The following DPYD variants were observed in gnomAD, a reference collection of about 807,000 sequenced individuals.
DPYD encodes dihydropyrimidine dehydrogenase, also known as dihydropyrimidine dehydrogenase [NADP(+)].
A neutral mutation model predicts 116.2 loss-of-function variants in DPYD; 109 were observed. The ratio of observed to expected loss-of-function variants is 0.94; its 90% CI spans 0.80 to 1.10. The LOEUF (loss-of-function observed/expected upper bound fraction) is 1.10. DPYD is among the 50% of genes least tolerant of loss of function. The pLI, the probability that DPYD is intolerant of heterozygous loss-of-function variation, is 0.00. For missense variants in DPYD, 1,302 were observed against 1,254.5 expected (o/e 1.04, Z -0.57); for synonymous variants, 440 against 432.0 (o/e 1.02, Z -0.23).
chr1:97,284,407 T>C (rs1665526879), intron 18 of DPYD, among the ~76,000 whole-genome samples: 1 of 152,124 alleles, frequency 6.6e-6, no homozygotes, highest in African/African-American at 2.4e-5. Flanking sequence ...TTCCAGATCA[T>C]TTCAAAAGAA....
intron 4 of DPYD, among the ~76,000 whole-genome samples, chr1:97,730,471 G>A (rs981597633): frequency 2.0e-5 from 3 of 151,956 alleles, no homozygotes; most frequent in African/African-American, 7.3e-5. Context: ...TAATCCAGCC[G>A]CCTCGGCCTC....
chr1:97,240,864 C>T (rs940825418), intron 18 of DPYD, among the ~76,000 whole-genome samples: 1 of 151,942 alleles, frequency 6.6e-6, no homozygotes, highest in African/African-American at 2.4e-5. Flanking sequence ...CTAATAAATA[C>T]ATGGGACACA....
intron 19 of DPYD, among the ~76,000 whole-genome samples, chr1:97,227,852 T>A (rs1447499090): frequency 6.6e-6 from 1 of 151,884 alleles, no homozygotes; most frequent in Non-Finnish European, 1.5e-5. Flanking sequence ...AATAAATAAA[T>A]AAAAATAAAC....
At chr1:97,409,843 T>G (rs1196409030) in intron 14 of DPYD, among the ~76,000 whole-genome samples, 1 of 152,116 alleles carries the variant, frequency 6.6e-6, no homozygotes, top group Non-Finnish European at 1.5e-5. Context: ...ACCTTTTTGC[T>G]GAGGCAAGCG....
chr1:97,390,910 G>C (rs890189739), intron 14 of DPYD, among the ~76,000 whole-genome samples: 1 of 151,746 alleles, frequency 6.6e-6, no homozygotes, highest in African/African-American at 2.4e-5. Context: ...AAGGTTAACA[G>C]TGACCTCACC....
intron 4 of DPYD, among the ~76,000 whole-genome samples, chr1:97,737,796 C>G (rs1664044705): frequency 6.6e-6 from 1 of 152,080 alleles, no homozygotes; most frequent in Non-Finnish European, 1.5e-5. Context: ...CATGCATACA[C>G]ACAAACACGT....
intron 8 of DPYD, among the ~76,000 whole-genome samples, chr1:97,603,566 G>A (rs1028890588): frequency 4.6e-5 from 7 of 152,020 alleles, no homozygotes; most frequent in South Asian, 2.1e-4. Flanking sequence ...CACACATTCC[G>A]TAGAAGGAAG....
intron 20 of DPYD, among the ~76,000 whole-genome samples, chr1:97,138,382 G>A (rs1653961622): frequency 6.6e-6 from 1 of 152,134 alleles, no homozygotes; most frequent in South Asian, 2.1e-4. Flanking sequence ...GCTACCATAT[G>A]GCCAGAAGGA....
At chr1:97,319,279 C>T (rs1023761933) in intron 16 of DPYD, among the ~76,000 whole-genome samples, 8 of 150,896 alleles carry the variant, frequency 5.3e-5, no homozygotes, top group African/African-American at 1.5e-4. Flanking sequence ...TTCAAAAAAT[C>T]AATGAATCCA....
chr1:97,272,941 A>C lies in DPYD; in HGVS notation c.2299+32318T>G, dbSNP rs544109924. ...AAGTGTGTTTTCTCCCGTCAGTTTC[A>C]GAGGAGAGTGGATATTAAATGTTAA... is the stretch of plus-strand genomic sequence containing the variant. On this transcript the variant is annotated intron_variant, in intron 18 of 22. Transcript: ENST00000370192. Among the ~76,000 whole-genome samples, 168 of 152,236 alleles carry C rather than the reference A, an allele frequency of 1.1e-3. 2 individuals are homozygous for C. Among genetic ancestry groups the C allele is most frequent in the Non-Finnish European group, 1.7e-3 (117 of 67,974 alleles).
intron 20 of DPYD, among the ~76,000 whole-genome samples, chr1:97,133,665 T>G (rs999597135): frequency 3.9e-5 from 6 of 152,032 alleles, no homozygotes; most frequent in Non-Finnish European, 5.9e-5. Context: ...AAAACTTCTA[T>G]GATACACATT....
rs1302526941 is a variant in DPYD, at chr1:97,832,184, G to A, written c.151-3988C>T. ...CATTTAATCTGCATGACAACCATATGTATTCCTATTTTACAAATGAGGAAA... is the reference window on the plus strand; with the variant it reads ...CATTTAATCTGCATGACAACCATATATATTCCTATTTTACAAATGAGGAAA... On this transcript the variant is annotated intron_variant, in intron 2 of 22. Coordinates refer to ENST00000370192, the MANE Select transcript of DPYD (RefSeq NM_000110.4). 2.0e-5 allele frequency among the ~76,000 whole-genome samples: 3 copies of A among 151,056 alleles called. No individual in the cohort carries two copies. In the East Asian group the frequency reaches 5.9e-4, roughly 30 times the overall value.
intron 13 of DPYD, among the ~76,000 whole-genome samples, chr1:97,455,537 A>G (rs6667128): frequency 0.027 from 4,122 of 152,030 alleles, 212 homozygotes; most frequent in African/African-American, 0.094. Context: ...TTATTTCACA[A>G]AAGAGGAAAA....
intron 2 of DPYD, among the ~76,000 whole-genome samples, chr1:97,861,010 T>C (rs538052346): frequency 6.6e-6 from 1 of 151,982 alleles, no homozygotes; most frequent in East Asian, 1.9e-4. Flanking sequence ...AAAACTAAAA[T>C]GCAATAATAG....
At chr1:97,603,147 TCAAACAATACGCCTCAGGCA>T (rs1655371562) in intron 8 of DPYD, among the ~76,000 whole-genome samples, 1 of 152,090 alleles carries the variant, frequency 6.6e-6, no homozygotes, top group Admixed American at 6.6e-5. Context: ...AGCAAAAATC[TCAAACAATACGCCTCAGGCA>T]AAGATTTTTT....
chr1:97,832,060 TGTGTG>T (rs1195363426), intron 2 of DPYD, among the ~76,000 whole-genome samples: 1 of 149,160 alleles, frequency 6.7e-6, no homozygotes, highest in African/African-American at 2.5e-5. Flanking sequence ...TGTGTGTGTG[TGTGTG>T]TGTGTGTGTG....
intron 3 of DPYD, among the ~76,000 whole-genome samples, chr1:97,812,064 C>T (rs1668373470): frequency 6.6e-6 from 1 of 152,144 alleles, no homozygotes; most frequent in African/African-American, 2.4e-5. Context: ...TTACCCACTG[C>T]TTCTTCCCCA....
At chr1:97,741,322 C>T (rs1664260046) in intron 3 of DPYD, among the ~76,000 whole-genome samples, 1 of 152,154 alleles carries the variant, frequency 6.6e-6, no homozygotes, top group Non-Finnish European at 1.5e-5. Context: ...GCATATTAAT[C>T]TCATCTGACT....
chr1:97,192,368 A>G (rs1216031788), intron 20 of DPYD, among the ~76,000 whole-genome samples: 1 of 151,892 alleles, frequency 6.6e-6, no homozygotes, highest in Non-Finnish European at 1.5e-5. Flanking sequence ...TTAATTATTG[A>G]TGTAGTGACA....
Sources: gnomAD v4.1 joint callset for allele counts (sites outside exome capture counted in the v4.1 genomes callset) on GRCh38, gnomAD v4.1.1 for gene constraint, MANE v1.5 for transcripts, NCBI Gene and HGNC (gene_info 2026-07-23, HGNC 2026-07-21) for gene names.